MED13L: variants seen among roughly 807,000 people sequenced by gnomAD.
MED13L encodes the protein mediator complex subunit 13L.
MED13L carries 7 observed loss-of-function variants against 220.9 expected under a neutral mutation model. The observed-to-expected ratio is 0.03, with a 90% confidence interval of 0.02 to 0.06. The LOEUF is 0.06. MED13L is among the 10% of genes least tolerant of loss of function. MED13L has a pLI of 1.00. For missense variants in MED13L, 1,965 were observed against 2,760.5 expected (o/e 0.71, Z 6.46); for synonymous variants, 1,011 against 1,015.2 (o/e 1.00, Z 0.08).
At chr12:116,131,343 T>C (rs922598908) in intron 2 of MED13L, among the ~76,000 whole-genome samples, 1 of 152,196 alleles carries the variant, frequency 6.6e-6, no homozygotes, top group African/African-American at 2.4e-5. Flanking sequence ...AAAGGCTGTA[T>C]CAAGATTCAG....
chr12:116,252,203 C>T (rs1331127403), intron 1 of MED13L, among the ~76,000 whole-genome samples: 1 of 152,052 alleles, frequency 6.6e-6, no homozygotes, highest in African/African-American at 2.4e-5. Context: ...ATTTATAAAA[C>T]ATTACACCAA....
intron 4 of MED13L, among the ~76,000 whole-genome samples, chr12:116,031,425 A>C (rs970142162): frequency 1.3e-5 from 2 of 151,270 alleles, no homozygotes; most frequent in Non-Finnish European, 2.9e-5. Flanking sequence ...TAAAAACACA[A>C]ACACACACAC....
At position 115,964,925 on chromosome 12, in the gene MED13L, GAC is replaced by G. The variant is rs146031375; in HGVS notation, c.6387+1155_6387+1156del. ...TTATTGCTGCTAAGCTTTTTCAGCA[GAC>G]AGAGCTAAAAAAATGTGTATACTTT... On this transcript the variant is annotated intron_variant, in intron 29 of 30. Coordinates refer to ENST00000281928, the MANE Select transcript of MED13L (RefSeq NM_015335.5). 7.3e-3 allele frequency among the ~76,000 whole-genome samples: 1,115 copies of G among 152,246 alleles called. 16 individuals are homozygous for G. Among genetic ancestry groups the G allele is most frequent in the African/African-American group, 0.026 (1,082 of 41,548 alleles).
At chr12:116,148,604 G>A in intron 2 of MED13L, 1 of 178,000 alleles carries the variant, frequency 5.6e-6, no homozygotes. Flanking sequence ...TATATATGGA[G>A]ATATCTATAT....
chr12:116,022,895 G>C lies in MED13L; in HGVS notation c.480-294C>G, dbSNP rs1397809305. Among the ~76,000 whole-genome samples the C allele has an allele frequency of 2.6e-5, 4 of 152,232 alleles. No homozygotes were observed. In the South Asian group the frequency reaches 8.3e-4, roughly 32 times the overall value. On this transcript the variant is annotated intron_variant, in intron 4 of 30. Coordinates refer to ENST00000281928, the MANE Select transcript of MED13L (RefSeq NM_015335.5). ...CCAACTATAAACACCTAAGAACAGA[G>C]AAGGAATTGGAATAGTTTTCTATTG...
intron 4 of MED13L, among the ~76,000 whole-genome samples, chr12:116,050,456 C>T (rs1217094287): frequency 1.3e-5 from 2 of 152,250 alleles, no homozygotes; most frequent in Non-Finnish European, 2.9e-5. Context: ...CACTGAGACA[C>T]TCTAATAACC....
intron 2 of MED13L, among the ~76,000 whole-genome samples, chr12:116,216,272 G>C (rs1593174592): frequency 6.6e-6 from 1 of 152,096 alleles, no homozygotes; most frequent in South Asian, 2.1e-4. Flanking sequence ...TGGCCTCCCA[G>C]AGTGCAGGGA....
Position 116,222,891 on chromosome 12 carries a change from T to C in MED13L, c.310+14577A>G, listed in dbSNP as rs137894804. ...ACACTAAAAACTATTAAAGATTTCA[T>C]TGAAAATGTTTGCCTAAATCGTACA... On this transcript the variant is annotated intron_variant, in intron 2 of 30. Coordinates refer to ENST00000281928, the MANE Select transcript of MED13L (RefSeq NM_015335.5). Among the ~76,000 whole-genome samples the C allele has an allele frequency of 5.3e-5, 8 of 152,342 alleles. No homozygotes were observed. The East Asian group carries it at 5.8e-4, about 11-fold the overall frequency.
At chr12:116,218,103 T>G (rs909155594) in intron 2 of MED13L, among the ~76,000 whole-genome samples, 1 of 152,184 alleles carries the variant, frequency 6.6e-6, no homozygotes, top group Non-Finnish European at 1.5e-5. Context: ...AGCATAACTA[T>G]CTAATCAGCC....
At chr12:116,060,806 A>G (rs980335481) in intron 4 of MED13L, among the ~76,000 whole-genome samples, 1 of 152,130 alleles carries the variant, frequency 6.6e-6, no homozygotes, top group Non-Finnish European at 1.5e-5. Context: ...TCTTAAGCAC[A>G]CACACACACG....
chr12:115,969,568 A>G (rs913064856), intron 27 of MED13L, among the ~76,000 whole-genome samples: 5 of 151,192 alleles, frequency 3.3e-5, no homozygotes, highest in African/African-American at 9.7e-5. Context: ...TCAAAGCACA[A>G]TGTTTTCTCT....
intron 1 of MED13L, among the ~76,000 whole-genome samples, chr12:116,270,639 A>C (rs958392201): frequency 2.0e-5 from 3 of 152,222 alleles, no homozygotes; most frequent in Non-Finnish European, 2.9e-5. Context: ...AATATTTACT[A>C]AGATTAATGA....
At chr12:116,175,593 A>C (rs1007306706) in intron 2 of MED13L, among the ~76,000 whole-genome samples, 4 of 152,200 alleles carry the variant, frequency 2.6e-5, no homozygotes, top group Admixed American at 2.0e-4. Flanking sequence ...TTAACTCTTC[A>C]GGTTACCTGA....
chr12:116,154,627 T>C (rs990048212), intron 2 of MED13L, among the ~76,000 whole-genome samples: 1 of 152,166 alleles, frequency 6.6e-6, no homozygotes, highest in Non-Finnish European at 1.5e-5. Context: ...TTTGTGGCAG[T>C]AGTGCTTACG....
At chr12:116,217,002 C>T (rs922629148) in intron 2 of MED13L, among the ~76,000 whole-genome samples, 1 of 152,148 alleles carries the variant, frequency 6.6e-6, no homozygotes, top group Non-Finnish European at 1.5e-5. Flanking sequence ...AATACTTTGA[C>T]TTTTTTTATG....
intron 23 of MED13L, among the ~76,000 whole-genome samples, chr12:115,980,157 A>C (rs1877224220): frequency 6.6e-6 from 1 of 152,216 alleles, no homozygotes; most frequent in Admixed American, 6.5e-5. Context: ...AAAATAAAGA[A>C]AATAAATTTA....
At chr12:116,118,932 CAT>C (rs1217215244) in intron 2 of MED13L, among the ~76,000 whole-genome samples, 1 of 152,100 alleles carries the variant, frequency 6.6e-6, no homozygotes, top group Non-Finnish European at 1.5e-5. Context: ...AATTAAATAA[CAT>C]ATAATCAAGG....
chr12:116,030,782 T>A (rs1342959421), intron 4 of MED13L, among the ~76,000 whole-genome samples: 1 of 152,098 alleles, frequency 6.6e-6, no homozygotes, highest in Non-Finnish European at 1.5e-5. Flanking sequence ...AGTAACTTTA[T>A]GCCGATAAAT....
intron 17 of MED13L, among the ~76,000 whole-genome samples, 154 bp from the exon 18 acceptor site, chr12:115,987,442 ATTC>A (rs1238290881): frequency 3.3e-5 from 5 of 152,254 alleles, no homozygotes; most frequent in African/African-American, 7.2e-5. Flanking sequence ...GAGGAAAGAT[ATTC>A]TTCTACTAAA....
Sources: allele counts gnomAD v4.1 joint callset (sites outside exome capture counted in the v4.1 genomes callset), GRCh38; gene constraint gnomAD v4.1.1; transcripts MANE v1.5; gene names NCBI Gene and HGNC (gene_info 2026-07-23, HGNC 2026-07-21).